Variants in HS3ST3A1 observed in about 807,000 individuals in gnomAD.
HS3ST3A1 encodes heparan sulfate-glucosamine 3-sulfotransferase 3A1.
In HS3ST3A1, 19 loss-of-function variants were observed where a neutral mutation model predicts 25.7. That is an observed-to-expected ratio of 0.74 (90% confidence interval 0.52 to 1.08). HS3ST3A1 has a LOEUF of 1.08. Among genes scored for constraint, HS3ST3A1 ranks in the 50% least tolerant of loss-of-function variants. The pLI, the probability that HS3ST3A1 is intolerant of heterozygous loss-of-function variation, is 0.00. For missense variants in HS3ST3A1, 459 were observed against 594.3 expected (o/e 0.77, Z 2.37); for synonymous variants, 226 against 278.6 (o/e 0.81, Z 1.88).
intron 1 of HS3ST3A1, among the ~76,000 whole-genome samples, chr17:13,532,877 A>ATG (rs1906647165): frequency 1.7e-5 from 1 of 60,494 alleles, no homozygotes; most frequent in Non-Finnish European, 3.2e-5. Context: ...AAATACATAT[A>ATG]CGTGTGTGTG....
At chr17:13,574,055 T>G (rs1187227682) in intron 1 of HS3ST3A1, among the ~76,000 whole-genome samples, 1 of 152,032 alleles carries the variant, frequency 6.6e-6, no homozygotes, top group Non-Finnish European at 1.5e-5. Context: ...ACTAAGACCA[T>G]TCCCTAATGC....
chr17:13,522,265 T>C (rs1598412920), intron 1 of HS3ST3A1, among the ~76,000 whole-genome samples: 2 of 152,044 alleles, frequency 1.3e-5, no homozygotes, highest in African/African-American at 4.8e-5. Flanking sequence ...CGAGAGAGTA[T>C]CTTGACCCTC....
chr17:13,563,957 T>C lies in HS3ST3A1; in HGVS notation c.599+36574A>G, dbSNP rs552833575. ...TCAAGAAAAATTAATTTCTTATTAATTATTATTGAATAAATGGGCCAATCT... is the reference window on the plus strand; with the variant it reads ...TCAAGAAAAATTAATTTCTTATTAACTATTATTGAATAAATGGGCCAATCT... On this transcript the variant is annotated intron_variant, in intron 1 of 1. Coordinates refer to ENST00000284110, the MANE Select transcript of HS3ST3A1 (RefSeq NM_006042.3). Among the ~76,000 whole-genome samples, 62 of 152,328 alleles carry C rather than the reference T, an allele frequency of 4.1e-4. No individual in the cohort carries two copies. The East Asian group carries it at 0.012, about 29-fold the overall frequency.
chr17:13,595,332 A>G (rs866187217), intron 1 of HS3ST3A1, among the ~76,000 whole-genome samples: 6 of 152,202 alleles, frequency 3.9e-5, no homozygotes, highest in African/African-American at 1.4e-4. Context: ...TTCCCTACTC[A>G]GGATGTCCAA....
chr17:13,507,276 C>T (rs975630086), intron 1 of HS3ST3A1, among the ~76,000 whole-genome samples: 1 of 152,132 alleles, frequency 6.6e-6, no homozygotes, highest in East Asian at 1.9e-4. Flanking sequence ...TTTCTTGAGT[C>T]TCACAACTAA....
At chr17:13,599,342 C>T (rs1373493463) in intron 1 of HS3ST3A1, among the ~76,000 whole-genome samples, 1 of 152,106 alleles carries the variant, frequency 6.6e-6, no homozygotes, top group African/African-American at 2.4e-5. Flanking sequence ...ACTGTAAATT[C>T]GGCTCCTGAA....
intron 1 of HS3ST3A1, among the ~76,000 whole-genome samples, chr17:13,519,896 A>C (rs1019046063): frequency 2.0e-5 from 3 of 152,212 alleles, no homozygotes; most frequent in African/African-American, 7.2e-5. Flanking sequence ...GGCATCCAAA[A>C]TATCAGAGAG....
chr17:13,576,351 G>C (rs750790167), intron 1 of HS3ST3A1, among the ~76,000 whole-genome samples: 1 of 152,198 alleles, frequency 6.6e-6, no homozygotes, highest in Admixed American at 6.5e-5. Context: ...GCTCACTCAC[G>C]TGGCTGTTGG....
intron 1 of HS3ST3A1, among the ~76,000 whole-genome samples, chr17:13,525,922 A>T (rs150916616): frequency 1.5e-4 from 23 of 152,096 alleles, no homozygotes; most frequent in African/African-American, 5.1e-4. Flanking sequence ...ATATCCCAAG[A>T]GGAGGAGGCA....
chr17:13,595,034 C>T (rs9906327), intron 1 of HS3ST3A1, among the ~76,000 whole-genome samples: 98,406 of 151,914 alleles, frequency 0.65, 32,083 homozygotes, highest in Admixed American at 0.67. Flanking sequence ...AAGAATGTCT[C>T]TCGAACTCCC....
At chr17:13,533,426 C>T (rs1906671655) in intron 1 of HS3ST3A1, among the ~76,000 whole-genome samples, 1 of 151,058 alleles carries the variant, frequency 6.6e-6, no homozygotes, top group Admixed American at 6.6e-5. Context: ...AGGTCTGGAA[C>T]AGAGACTCTG....
chr17:13,577,495 C>T (rs8067572), intron 1 of HS3ST3A1, among the ~76,000 whole-genome samples: 11 of 152,260 alleles, frequency 7.2e-5, no homozygotes, highest in South Asian at 2.1e-4. Context: ...TTCTCCCTCC[C>T]GGGACAGAGG....
rs1908710073 is a variant in HS3ST3A1, at chr17:13,600,833, G to C, written c.297C>G (p.Arg99=). The C allele has an allele frequency of 2.1e-6, 3 of 1,416,768 alleles. No homozygotes were observed. The highest frequency in any genetic ancestry group is 2.7e-6 in the Non-Finnish European group (3 of 1,097,732). 87.8% of individuals were successfully genotyped at this position (1,416,768 alleles called of 1,614,324 possible). A position where few individuals can be genotyped will look rare whatever the true frequency, so the allele number is the denominator to read the frequency against. Residue 99 remains arginine (R), a synonymous_variant, in exon 1 of 2, where the codon CGC becomes CGG. Transcript: ENST00000284110. ...RLLQLPQWRR[R]RPPAPRDDGE... ...CGTCGTCGCGGGGCGCGGGCGGCCG[G>C]CGCCTCCGCCACTGCGGCAGTTGCA... is the stretch of plus-strand genomic sequence containing the variant.
At chr17:13,509,079 T>A (rs73292077) in intron 1 of HS3ST3A1, among the ~76,000 whole-genome samples, 7,001 of 152,006 alleles carry the variant, frequency 0.046, 338 homozygotes, top group African/African-American at 0.12. Flanking sequence ...AAAAAGGAAG[T>A]ACTTCCTGGC....
chr17:13,513,501 ACCAC>A (rs1371043004), intron 1 of HS3ST3A1, among the ~76,000 whole-genome samples: 2 of 152,204 alleles, frequency 1.3e-5, no homozygotes, highest in Non-Finnish European at 2.9e-5. Context: ...AAATTACTCA[ACCAC>A]CGCTCCGATA....
intron 1 of HS3ST3A1, among the ~76,000 whole-genome samples, chr17:13,561,275 C>T (rs1023882902): frequency 6.6e-6 from 1 of 152,152 alleles, no homozygotes; most frequent in African/African-American, 2.4e-5. Context: ...TTCTTGTCCA[C>T]CCCTACCTAA....
Position 13,585,186 on chromosome 17 carries a change from CTTTTTTTTTTT to C in HS3ST3A1, c.599+15334_599+15344del, listed in dbSNP as rs71144977. Among the ~76,000 whole-genome samples, 6 of 33,246 alleles carry C rather than the reference CTTTTTTTTTTT, an allele frequency of 1.8e-4. No individual in the cohort carries two copies. In the East Asian group the frequency reaches 4.2e-3, roughly 23 times the overall value. 21.8% of individuals were successfully genotyped at this position (33,246 alleles called of 152,430 possible). On this transcript the variant is annotated intron_variant, in intron 1 of 1. Transcript: ENST00000284110. The stretch of plus-strand genomic sequence containing the variant: ...CAATCTAAATACTCATTTTTCTGTG[CTTTTTTTTTTT>C]TTTTTTTTTTTTTTTTTTTTGAGAC...
At chr17:13,523,475 G>A (rs77409667) in intron 1 of HS3ST3A1, among the ~76,000 whole-genome samples, 9 of 152,346 alleles carry the variant, frequency 5.9e-5, no homozygotes, top group Admixed American at 3.3e-4. Context: ...ATTTTTAAAT[G>A]TACCTGTGAT....
intron 1 of HS3ST3A1, among the ~76,000 whole-genome samples, chr17:13,502,040 C>T (rs569217263): frequency 6.6e-6 from 1 of 152,204 alleles, no homozygotes; most frequent in South Asian, 2.1e-4. Context: ...AGGAAGGAAA[C>T]TGCTTGGCAA....
Sources: gnomAD v4.1 joint callset for allele counts (sites outside exome capture counted in the v4.1 genomes callset) on GRCh38, gnomAD v4.1.1 for gene constraint, MANE v1.5 for transcripts, NCBI Gene and HGNC (gene_info 2026-07-23, HGNC 2026-07-21) for gene names.